KIF24: variants seen among roughly 807,000 people sequenced by gnomAD.
KIF24 encodes the protein kinesin-like protein KIF24.
KIF24 carries 81 observed loss-of-function variants against 118.9 expected under a neutral mutation model. The observed-to-expected ratio is 0.68, with a 90% CI of 0.57 to 0.82. KIF24 has a LOEUF of 0.82. KIF24 is among the 40% of genes least tolerant of loss of function. KIF24 has a pLI of 0.00. For synonymous variants in KIF24, 599 were observed against 610.0 expected (o/e 0.98, Z 0.27); for missense variants, 1,560 against 1,661.6 (o/e 0.94, Z 1.06).
intron 1 of KIF24, among the ~76,000 whole-genome samples, chr9:34,316,642 C>G (rs772835996): frequency 2.0e-5 from 3 of 152,224 alleles, no homozygotes; most frequent in Non-Finnish European, 4.4e-5. Flanking sequence ...CTTTGATGAT[C>G]TGATTAAACT....
At chr9:34,328,220 A>G (rs879475609) in intron 1 of KIF24, among the ~76,000 whole-genome samples, 4 of 152,210 alleles carry the variant, frequency 2.6e-5, no homozygotes, top group Non-Finnish European at 5.9e-5. Flanking sequence ...CAATAGAGAG[A>G]CTACAAAGCC....
intron 8 of KIF24, among the ~76,000 whole-genome samples, chr9:34,266,279 A>G (rs1835285930): frequency 6.6e-6 from 1 of 152,188 alleles, no homozygotes; most frequent in African/African-American, 2.4e-5. Context: ...CACCTTATTT[A>G]TTAGCTCTGT....
chr9:34,302,192 C>G (rs1836744478), intron 3 of KIF24, among the ~76,000 whole-genome samples: 1 of 151,822 alleles, frequency 6.6e-6, no homozygotes. Flanking sequence ...GACGAGGTTT[C>G]ACTGTGTTAG....
chr9:34,271,484 A>C (rs899593643), intron 7 of KIF24, among the ~76,000 whole-genome samples: 8 of 152,198 alleles, frequency 5.3e-5, no homozygotes, highest in Admixed American at 2.0e-4. Context: ...AGAATGGATT[A>C]ATCTTCTCCC....
intron 8 of KIF24, among the ~76,000 whole-genome samples, chr9:34,268,263 A>T (rs1001339655): frequency 1.3e-5 from 2 of 152,020 alleles, no homozygotes. Context: ...TCCTGGGTTC[A>T]AGAGATTTTC....
chr9:34,293,155 G>T (rs543013228), intron 4 of KIF24, among the ~76,000 whole-genome samples: 6 of 152,132 alleles, frequency 3.9e-5, no homozygotes, highest in African/African-American at 1.4e-4. Context: ...ACAAAAAAAT[G>T]GGCAAATGAA....
In KIF24 at chr9:34,255,867, T is replaced by G. The variant is rs1473724705; in HGVS notation, c.3740A>C (p.Asn1247Thr). 2 of 1,614,028 alleles carry G rather than the reference T, an allele frequency of 1.2e-6. No individual in the cohort carries two copies. The highest frequency in any genetic ancestry group is 2.2e-5 in the East Asian group (1 of 44,884). The change falls in exon 11 of 13, where the codon AAC (asparagine) becomes ACC (threonine). Residue 1247 changes from asparagine to threonine, a missense_variant. Physicochemically the swap from Asn to Thr is moderately conservative, Grantham distance 65. Coordinates refer to ENST00000402558, the MANE Select transcript of KIF24 (RefSeq NM_194313.4). Reference protein sequence around the residue: ...LSTDPIKLPCNSENVTWLKPR... With the variant: ...LSTDPIKLPCTSENVTWLKPR... ...TTTGAGCCATGTGACATTTTCACTG[T>G]TGCAGGGCAACTTGATGGGGTCTGT...
In KIF24 at chr9:34,319,278, CT is replaced by C. The variant is rs901449739; in HGVS notation, c.-25-7908del. ...TGGTAACCAAAGAGCAGCTGAAGATCTGGATGGGGAAGAAGCAGAAGCCTGT... is the reference window on the plus strand; with the variant it reads ...TGGTAACCAAAGAGCAGCTGAAGATCGGATGGGGAAGAAGCAGAAGCCTGT... On this transcript the variant is annotated intron_variant, in intron 1 of 12. Coordinates refer to ENST00000402558, the MANE Select transcript of KIF24 (RefSeq NM_194313.4). 122 of 1,114,304 alleles carry C rather than the reference CT, an allele frequency of 1.1e-4. No individual in the cohort carries two copies. In the Middle Eastern group the frequency reaches 1.4e-3, roughly 13 times the overall value. 69.0% of individuals were successfully genotyped at this position (1,114,304 alleles called of 1,614,324 possible).
chr9:34,300,152 C>A (rs1222908860), intron 3 of KIF24, among the ~76,000 whole-genome samples: 1 of 151,976 alleles, frequency 6.6e-6, no homozygotes, highest in Non-Finnish European at 1.5e-5. Context: ...AAATCCAAAT[C>A]TACAAGTTAG....
In KIF24 at chr9:34,310,999, A is replaced by C. The variant is rs977753071; in HGVS notation, c.348T>G (p.Phe116Leu). 1 of 1,613,898 alleles carries C rather than the reference A, an allele frequency of 6.2e-7. No homozygotes were observed. Among genetic ancestry groups the C allele is most frequent in the African/African-American group, 1.3e-5 (1 of 74,924 alleles). ...AGAAATCTGATAAACTGCACATTTC[A>C]AACCCATCATTGCTGGCATTTCTGT... is the stretch of plus-strand genomic sequence containing the variant. ...NKDRNASNDG[F>L]EMCSLSDFSA... The change falls in exon 2 of 13, where the codon TTT becomes TTG. Residue 116 changes from phenylalanine to leucine, a missense_variant. Transcript: ENST00000402558.
Position 34,278,131 on chromosome 9 carries a change from G to A in KIF24, c.1216-6201C>T, listed in dbSNP as rs141061237. 3.3e-3 allele frequency among the ~76,000 whole-genome samples: 499 copies of A among 151,770 alleles called. 1 individual carries two copies. The highest frequency in any genetic ancestry group is 0.011 in the African/African-American group (468 of 41,400). ...TCTATTAAAAATACAAAAATTGGCCGGGCACGGTGGCTCACGTCTGTAATC... is the reference window on the plus strand; with the variant it reads ...TCTATTAAAAATACAAAAATTGGCCAGGCACGGTGGCTCACGTCTGTAATC... On this transcript the variant is annotated intron_variant, in intron 6 of 12. Coordinates refer to ENST00000402558, the MANE Select transcript of KIF24 (RefSeq NM_194313.4).
chr9:34,272,029 G>C (rs1835527573), intron 6 of KIF24, 99 bp from the exon 7 acceptor site: 3 of 1,111,132 alleles, frequency 2.7e-6, no homozygotes, highest in Non-Finnish European at 3.7e-6. Flanking sequence ...ACATATAATT[G>C]TGTCAGTGCA....
Position 34,329,150 on chromosome 9 carries a change from G to A in KIF24, c.-70C>T, listed in dbSNP as rs1308710486. 6.6e-6 allele frequency among the ~76,000 whole-genome samples: 1 copy of A among 152,216 alleles called. No homozygotes were observed. The highest frequency in any genetic ancestry group is 1.5e-5 in the Non-Finnish European group (1 of 68,034). Reference sequence around the variant, plus strand: ...TCTGCCCTGTCTGAGAAGAGGAGAAGACAATGCCGTCGGGAGTGAGCCCCA... The same window carrying A: ...TCTGCCCTGTCTGAGAAGAGGAGAAAACAATGCCGTCGGGAGTGAGCCCCA... On this transcript the variant is annotated 5_prime_UTR_variant, in exon 1 of 13. Coordinates refer to ENST00000402558, the MANE Select transcript of KIF24 (RefSeq NM_194313.4).
intron 6 of KIF24, chr9:34,282,579 C>G (rs1220781840): frequency 6.6e-6 from 1 of 152,076 alleles, no homozygotes; most frequent in African/African-American, 2.4e-5. Flanking sequence ...GCGGACAGAG[C>G]AAGCTCCTAC....
Position 34,278,666 on chromosome 9 carries a change from C to T in KIF24, c.1216-6736G>A, listed in dbSNP as rs184643522. 8.5e-5 allele frequency among the ~76,000 whole-genome samples: 13 copies of T among 152,066 alleles called. No homozygotes were observed. The East Asian group carries it at 2.1e-3, about 25-fold the overall frequency. ...AGGAGGTGAGCAAAATTAATGCAAT[C>T]ACCTTTAAAACTACTAAGCTCCCTT... On this transcript the variant is annotated intron_variant, in intron 6 of 12. Transcript: ENST00000402558.
At chr9:34,271,759 C>A in intron 7 of KIF24, 50 bp downstream of exon 7, 1 of 1,596,920 alleles carries the variant, frequency 6.3e-7, no homozygotes, top group South Asian at 1.1e-5. Context: ...ACTTCAAAGT[C>A]ACATTAAAGG....
chr9:34,282,285 G>C (rs192839499), intron 6 of KIF24, among the ~76,000 whole-genome samples: 2 of 152,262 alleles, frequency 1.3e-5, no homozygotes, highest in African/African-American at 4.8e-5. Context: ...ACAAAAGGTT[G>C]CATATTGTAT....
At chr9:34,298,126 G>A (rs1462339562) in intron 3 of KIF24, among the ~76,000 whole-genome samples, 1 of 152,142 alleles carries the variant, frequency 6.6e-6, no homozygotes, top group African/African-American at 2.4e-5. Flanking sequence ...AGGTATTCCA[G>A]GCACAGGGGA....
At chr9:34,277,179 A>G (rs1420792477) in intron 6 of KIF24, among the ~76,000 whole-genome samples, 1 of 152,188 alleles carries the variant, frequency 6.6e-6, no homozygotes, top group Non-Finnish European at 1.5e-5. Flanking sequence ...AAATTCTGGT[A>G]TATTTCCTTT....
Sources: gnomAD v4.1 joint callset for allele counts (sites outside exome capture counted in the v4.1 genomes callset) on GRCh38, gnomAD v4.1.1 for gene constraint, MANE v1.5 for transcripts, NCBI Gene and HGNC (gene_info 2026-07-23, HGNC 2026-07-21) for gene names.